Variants in PRDM4 observed in about 807,000 individuals in gnomAD.
PRDM4 encodes the protein PR domain zinc finger protein 4.
PRDM4 carries 38 observed loss-of-function variants against 62.3 expected under a neutral mutation model. The observed-to-expected ratio is 0.61, with a 90% CI of 0.47 to 0.80. The LOEUF (loss-of-function observed/expected upper bound fraction) is 0.80, where lower values mean the gene tolerates loss of function less well. PRDM4 is among the 30% of genes least tolerant of loss of function. The pLI, the probability that PRDM4 is intolerant of heterozygous loss-of-function variation, is 0.00. For synonymous variants in PRDM4, 339 were observed against 348.2 expected, an observed-to-expected ratio of 0.97 and a Z score of 0.30; for missense variants, 858 against 997.1, an observed-to-expected ratio of 0.86 and a Z score of 1.88.
At chr12:107,749,416 CT>C (rs1443684717) in intron 5 of PRDM4, among the ~76,000 whole-genome samples, 3 of 117,804 alleles carry the variant, frequency 2.5e-5, no homozygotes, top group Non-Finnish European at 3.5e-5. Flanking sequence ...TTTTTTTTTC[CT>C]GAGACAGGGT....
chr12:107,751,482 T>C lies in PRDM4; in HGVS notation c.1059A>G (p.Val353=), dbSNP rs1264023672. The C allele has an allele frequency of 6.2e-7, 1 of 1,614,084 alleles. No homozygotes were observed. Among genetic ancestry groups the C allele is most frequent in the East Asian group, 2.2e-5 (1 of 44,872 alleles). Residue 353 remains valine (V), a synonymous_variant, in exon 5 of 12, where the codon GTA becomes GTG. Coordinates refer to ENST00000228437, the MANE Select transcript of PRDM4 (RefSeq NM_012406.4). ...VDVSSDSLSF[V]SPSLQMEDSN... ...AGTCTTCCATTTGCAGTGAAGGTGA[T>C]ACAAAAGAAAGACTGTCTGAAGATA...
At chr12:107,755,367 G>A (rs1565834078) in intron 3 of PRDM4, among the ~76,000 whole-genome samples, 2 of 152,070 alleles carry the variant, frequency 1.3e-5, no homozygotes, top group Non-Finnish European at 2.9e-5. Flanking sequence ...CAAAATGCTG[G>A]GATTATAGGC....
chr12:107,741,686 C>A (rs1356039695), intron 9 of PRDM4, among the ~76,000 whole-genome samples: 2 of 152,204 alleles, frequency 1.3e-5, no homozygotes, highest in Non-Finnish European at 2.9e-5. Flanking sequence ...CCACTACACT[C>A]CAGCCTGCCA....
At chr12:107,739,353 G>A (rs756107727) in intron 11 of PRDM4, 30 bp downstream of exon 11, 1 of 1,604,142 alleles carries the variant, frequency 6.2e-7, no homozygotes, top group Non-Finnish European at 8.5e-7. Context: ...ACCACCTGAG[G>A]AACGACGTCT....
chr12:107,735,760 C>CTT (rs200366774), intron 11 of PRDM4, among the ~76,000 whole-genome samples: 9,509 of 143,406 alleles, frequency 0.066, 735 homozygotes, highest in African/African-American at 0.19. Context: ...AATTTTTTAG[C>CTT]TTTTTTTTTT....
chr12:107,741,397 G>A, intron 9 of PRDM4, 137 bp from the exon 10 acceptor site: 2 of 799,650 alleles, frequency 2.5e-6, no homozygotes, highest in Non-Finnish European at 3.9e-6. Context: ...CTAAAATAAT[G>A]TACTAAGGGC....
chr12:107,754,628 C>T (rs1891006164), intron 3 of PRDM4, among the ~76,000 whole-genome samples: 1 of 152,112 alleles, frequency 6.6e-6, no homozygotes, highest in Admixed American at 6.6e-5. Flanking sequence ...AGTGATCTGC[C>T]CACCTCAGCC....
Position 107,733,891 on chromosome 12 carries a change from T to C in PRDM4, c.*319A>G, listed in dbSNP as rs1305578144. On this transcript the variant is annotated 3_prime_UTR_variant, in exon 12 of 12. Transcript: ENST00000228437. ...ATGGAAGAATGTGAAATAAATCTGA[T>C]TTGTTTGAGCAGAAGGCAGCTTTGA... The C allele has an allele frequency of 1.1e-5, 3 of 266,086 alleles. No homozygotes were observed. The highest frequency in any genetic ancestry group is 2.2e-5 in the African/African-American group (1 of 44,544). 16.5% of individuals were successfully genotyped at this position (266,086 alleles called of 1,614,324 possible). A position where few individuals can be genotyped will look rare whatever the true frequency, so the allele number is the denominator to read the frequency against.
In PRDM4 at chr12:107,741,277, A is replaced by C. The variant is rs1284053837; in HGVS notation, c.1610-17T>G. ...CAGGAACACCTTTTAAAAAAAAATT[A>C]CTCATTATCTCCCAATACTTGAATC... On this transcript the variant is annotated splice_polypyrimidine_tract_variant and intron_variant, in intron 9 of 11. Transcript: ENST00000228437. The C allele has an allele frequency of 6.3e-7, 1 of 1,589,762 alleles. No homozygotes were observed. The highest frequency in any genetic ancestry group is 1.4e-5 in the African/African-American group (1 of 74,030).
At position 107,755,170 on chromosome 12, in the gene PRDM4, G is replaced by A. The variant is rs535325222; in HGVS notation, c.146-1061C>T. ...CATGACCATGGCTCAGGCAACCTGA[G>A]CTTTCCTGGCTCAAGTGGCCATCCC... On this transcript the variant is annotated intron_variant, in intron 3 of 11. Coordinates refer to ENST00000228437, the MANE Select transcript of PRDM4 (RefSeq NM_012406.4). Among the ~76,000 whole-genome samples, 4 of 152,214 alleles carry A rather than the reference G, an allele frequency of 2.6e-5. No homozygotes were observed. The East Asian group carries it at 7.7e-4, about 29-fold the overall frequency.
At chr12:107,738,734 C>T (rs1453893659) in intron 11 of PRDM4, among the ~76,000 whole-genome samples, 1 of 152,170 alleles carries the variant, frequency 6.6e-6, no homozygotes. Context: ...TTTGTATTAA[C>T]AGAATGGGTA....
chr12:107,743,831 T>C (rs574383913), intron 7 of PRDM4, among the ~76,000 whole-genome samples: 63 of 152,204 alleles, frequency 4.1e-4, no homozygotes, highest in African/African-American at 1.3e-3. Context: ...ACTAGAAAAA[T>C]AGGCCAGGTG....
rs566464961 is a variant in PRDM4, at chr12:107,739,300, C to T, written c.2093+83G>A. 20 of 1,491,054 alleles carry T rather than the reference C, an allele frequency of 1.3e-5. No homozygotes were observed. The African/African-American group carries it at 2.3e-4, about 17-fold the overall frequency. The allele number at this position is 1,491,054 out of a possible 1,614,324, so 92.4% of individuals were successfully genotyped here. On this transcript the variant is annotated intron_variant, in intron 11 of 11. Transcript: ENST00000228437. ...ATGAAACAGATGAGCCAGGACTCCCCAGCCCTTCAATCAGCAGGTGGGCTG... is the reference window on the plus strand; with the variant it reads ...ATGAAACAGATGAGCCAGGACTCCCTAGCCCTTCAATCAGCAGGTGGGCTG...
chr12:107,754,846 A>C (rs1891012110), intron 3 of PRDM4: 1 of 152,224 alleles, frequency 6.6e-6, no homozygotes, highest in Admixed American at 6.5e-5. Context: ...TATGGTGAGA[A>C]TATTTCATTT....
intron 6 of PRDM4, 99 bp downstream of exon 6, chr12:107,746,176 G>T: frequency 1.4e-6 from 2 of 1,412,652 alleles, no homozygotes; most frequent in Non-Finnish European, 9.7e-7. Context: ...ATTGACTTTT[G>T]GTCCAAATAA....
rs1890264855 is a variant in PRDM4 at position 107,734,441 on chromosome 12, T to C, written c.2175A>G (p.Glu725=). ...NHLKKHLNSH[E]GKRDYVCEKC... ...TTTCACAGACATAATCCCGTTTTCC[T>C]TCATGAGAATTGAGATGCTTCTTTA... The change falls in exon 12 of 12, where the codon GAA becomes GAG. Residue 725 remains glutamate (E), a synonymous_variant. Transcript: ENST00000228437. 13 of 1,614,182 alleles carry C rather than the reference T, an allele frequency of 8.1e-6. No homozygotes were observed. Among genetic ancestry groups the C allele is most frequent in the Non-Finnish European group, 1.1e-5 (13 of 1,179,998 alleles).
Position 107,760,767 on chromosome 12 carries a change from C to A in PRDM4, c.-252G>T. ...CCAGAAGCTTCGGGAAGGGGGCTGC[C>A]CAACCTGGGGGAGTGGGGACAAGAG... is the stretch of plus-strand genomic sequence containing the variant. On this transcript the variant is annotated 5_prime_UTR_variant, in exon 2 of 12. Coordinates refer to ENST00000228437, the MANE Select transcript of PRDM4 (RefSeq NM_012406.4). 1 of 522,204 alleles carries A rather than the reference C, an allele frequency of 1.9e-6. No homozygotes were observed. Among genetic ancestry groups the A allele is most frequent in the Non-Finnish European group, 3.4e-6 (1 of 291,658 alleles). The allele number at this position is 522,204 out of a possible 1,614,324, so 32.3% of individuals were successfully genotyped here.
intron 6 of PRDM4, among the ~76,000 whole-genome samples, chr12:107,745,901 T>C (rs141499374): frequency 1.3e-5 from 2 of 152,378 alleles, no homozygotes; most frequent in East Asian, 3.9e-4. Context: ...AAACATTTGA[T>C]CTAAAGTTGT....
chr12:107,747,967 G>A (rs1890767968), intron 5 of PRDM4, among the ~76,000 whole-genome samples: 1 of 151,958 alleles, frequency 6.6e-6, no homozygotes, highest in African/African-American at 2.4e-5. Context: ...TGCCTAGGCT[G>A]GTCTCGAACG....
Sources: allele counts gnomAD v4.1 joint callset (sites outside exome capture counted in the v4.1 genomes callset), GRCh38; gene constraint gnomAD v4.1.1; transcripts MANE v1.5; gene names NCBI Gene and HGNC (gene_info 2026-07-23, HGNC 2026-07-21).